Variants in ZNF600 observed in about 807,000 individuals in gnomAD.
ZNF600 encodes the protein zinc finger protein KR-ZNF1.
ZNF600 carries 4 observed loss-of-function variants against 7.3 expected under a neutral mutation model. That is an observed-to-expected ratio of 0.55 (90% CI 0.27 to 1.25). ZNF600 has a LOEUF of 1.25. Among genes scored for constraint, ZNF600 ranks in the 50% most tolerant of loss-of-function variants. ZNF600 has a pLI of 0.12. For missense variants in ZNF600, 911 were observed against 922.1 expected, an observed-to-expected ratio of 0.99 and a Z score of 0.16; for synonymous variants, 290 against 308.9, an observed-to-expected ratio of 0.94 and a Z score of 0.64.
chr19:52,818,213 C>T, the ZNF600 span, among the ~76,000 whole-genome samples: 358 of 152,304 alleles, frequency 2.4e-3, no homozygotes, highest in Non-Finnish European at 3.6e-3. Flanking sequence ...AGCCCACACA[C>T]ACGCTGCAGC....
At chr19:52,814,645 G>A in the ZNF600 span, among the ~76,000 whole-genome samples, 1 of 144,952 alleles carries the variant, frequency 6.9e-6, no homozygotes, top group East Asian at 2.0e-4. Context: ...TCAAAACTTT[G>A]GGAGGCTGAG....
At chr19:52,798,373 C>T in the ZNF600 span, 1 of 358,098 alleles carries the variant, frequency 2.8e-6, no homozygotes, top group Non-Finnish European at 5.5e-6. Flanking sequence ...AAACTCAGGT[C>T]AGTGCTCATT....
the ZNF600 span, chr19:52,800,080 G>T: frequency 6.2e-7 from 1 of 1,613,852 alleles, no homozygotes; most frequent in Non-Finnish European, 8.5e-7. Flanking sequence ...GAATCCCTCC[G>T]GAAAGCCTTG....
chr19:52,766,257 C>T (rs140300119), exon 4 of ZNF600: 8 of 1,614,084 alleles, frequency 5.0e-6, no homozygotes, highest in African/African-American at 4.0e-5. Context: ...GCACTCATTA[C>T]ACTTGTAAGG....
At chr19:52,798,622 A>G in the ZNF600 span, 1 of 425,238 alleles carries the variant, frequency 2.4e-6, no homozygotes, top group Non-Finnish European at 4.9e-6. Context: ...CTCCTGTATG[A>G]ATCCTCCTAT....
At chr19:52,824,824 C>T in the ZNF600 span, among the ~76,000 whole-genome samples, 3 of 151,974 alleles carry the variant, frequency 2.0e-5, no homozygotes, top group Non-Finnish European at 2.9e-5. Context: ...AAAGAGATAA[C>T]GTGGATGATC....
chr19:52,798,079 G>A, the ZNF600 span: 1 of 155,114 alleles, frequency 6.4e-6, no homozygotes, highest in Non-Finnish European at 1.4e-5. Context: ...TCAAGATCAT[G>A]CCACTGCACT....
chr19:52,826,521 CA>C, the ZNF600 span, among the ~76,000 whole-genome samples: 1 of 152,082 alleles, frequency 6.6e-6, no homozygotes, highest in African/African-American at 2.4e-5. Context: ...GCCTGGCCAA[CA>C]AGGCAAAACC....
exon 1 of ZNF600, chr19:52,786,785 C>G (rs1316461322): frequency 4.4e-6 from 1 of 225,260 alleles, no homozygotes; most frequent in Non-Finnish European, 9.2e-6. Flanking sequence ...TGTGCGCGCC[C>G]AGGACTGAAG....
At chr19:52,809,793 A>C in the ZNF600 span, 1 of 490,842 alleles carries the variant, frequency 2.0e-6, no homozygotes. Flanking sequence ...TGACAGAGCG[A>C]AAAAAAAGGA....
the ZNF600 span, among the ~76,000 whole-genome samples, chr19:52,825,119 A>T: frequency 6.6e-6 from 1 of 152,160 alleles, no homozygotes; most frequent in Non-Finnish European, 1.5e-5. Flanking sequence ...CAGATCTAAG[A>T]AATGAGGAAA....
the ZNF600 span, chr19:52,809,822 A>AGGCAGC: frequency 9.7e-4 from 502 of 515,976 alleles, no homozygotes; most frequent in Middle Eastern, 1.6e-3. Flanking sequence ...TGAGCGGCGA[A>AGGCAGC]GGCGGCGGCG....
chr19:52,791,759 T>C (rs562097436), upstream of ZNF600, among the ~76,000 whole-genome samples: 11 of 152,288 alleles, frequency 7.2e-5, no homozygotes, highest in South Asian at 1.0e-3. Context: ...TGTTTGACCC[T>C]GGTCTTCAGA....
intron 2 of ZNF600, among the ~76,000 whole-genome samples, chr19:52,777,359 G>A (rs1056395309): frequency 2.7e-4 from 41 of 152,034 alleles, no homozygotes; most frequent in South Asian, 4.1e-4. Context: ...CCTGGGCAAC[G>A]GAGCGAGACT....
chr19:52,775,267 A>G (rs984524605), intron 2 of ZNF600, among the ~76,000 whole-genome samples: 9 of 151,646 alleles, frequency 5.9e-5, no homozygotes, highest in African/African-American at 2.2e-4. Context: ...AAAACAAAAA[A>G]ACAATGCCGG....
chr19:52,830,854 G>A, the ZNF600 span, among the ~76,000 whole-genome samples: 103 of 143,746 alleles, frequency 7.2e-4, 4 homozygotes, highest in Admixed American at 1.4e-3. Flanking sequence ...ATGTAGGAGT[G>A]AACTTTGTGC....
exon 4 of ZNF600, chr19:52,765,890 T>C (rs878967202): frequency 5.6e-6 from 9 of 1,613,920 alleles, no homozygotes; most frequent in South Asian, 1.1e-5. Flanking sequence ...AAAGTTGTGA[T>C]TGTTGATTAA....
chr19:52,802,913 G>A, the ZNF600 span, among the ~76,000 whole-genome samples: 38 of 149,992 alleles, frequency 2.5e-4, 1 homozygote, highest in Non-Finnish European at 3.0e-5. Flanking sequence ...GGCACACACC[G>A]CCATGTCCAG....
chr19:52,767,097 C>T (rs748369615), exon 4 of ZNF600: 3 of 1,613,770 alleles, frequency 1.9e-6, no homozygotes, highest in African/African-American at 2.7e-5. Flanking sequence ...ACACTCATTA[C>T]ACTTGTAAGG....
Sources: gnomAD v4.1 joint callset for allele counts (sites outside exome capture counted in the v4.1 genomes callset) on GRCh38, gnomAD v4.1.1 for gene constraint, MANE v1.5 for transcripts, NCBI Gene and HGNC (gene_info 2026-07-23, HGNC 2026-07-21) for gene names.